The following RASA3 variants were observed in gnomAD, a reference collection of about 807,000 sequenced individuals.
RASA3 encodes the protein RAS p21 protein activator 3.
A neutral mutation model predicts 110.0 loss-of-function variants in RASA3; 73 were observed. The observed-to-expected ratio is 0.66, with a 90% confidence interval of 0.55 to 0.81. The LOEUF (loss-of-function observed/expected upper bound fraction) is 0.81, where lower values mean the gene tolerates loss of function less well. RASA3 is among the 30% of genes least tolerant of loss of function. The probability of loss-of-function intolerance (pLI) is 0.00; values close to 1 mark genes in which losing one functional copy is unlikely to be tolerated. For missense variants in RASA3, 976 were observed against 1,113.2 expected, an observed-to-expected ratio of 0.88 and a Z score of 1.75; for synonymous variants, 500 against 451.4, an observed-to-expected ratio of 1.11 and a Z score of -1.37.
chr13:114,075,648 C>T (rs1347086896), intron 1 of RASA3, among the ~76,000 whole-genome samples: 1 of 51,260 alleles, frequency 2.0e-5, no homozygotes, highest in Non-Finnish European at 3.1e-5. Context: ...TGTGGAGGCG[C>T]CGGCAGGACG....
chr13:114,060,414 A>G (rs1336722226), intron 2 of RASA3, among the ~76,000 whole-genome samples: 1 of 152,246 alleles, frequency 6.6e-6, no homozygotes. Context: ...GACCTGGCAC[A>G]GTGGACCAGG....
intron 1 of RASA3, among the ~76,000 whole-genome samples, chr13:114,076,097 C>T (rs943713170): frequency 1.8e-4 from 27 of 152,306 alleles, no homozygotes; most frequent in Admixed American, 1.6e-3. Flanking sequence ...TGCTTGCGGC[C>T]GTTTCCCGCC....
At chr13:114,042,579 T>G (rs1367769897) in intron 3 of RASA3, among the ~76,000 whole-genome samples, 2 of 152,266 alleles carry the variant, frequency 1.3e-5, no homozygotes, top group African/African-American at 2.4e-5. Flanking sequence ...CCACAGGGTC[T>G]GAGCACATTG....
rs2053634106 is a variant in RASA3, at chr13:114,011,352, G to A, written c.1513-104C>T. 2 of 1,019,242 alleles carry A rather than the reference G, an allele frequency of 2.0e-6. No individual in the cohort carries two copies. The highest frequency in any genetic ancestry group is 3.0e-6 in the Non-Finnish European group (2 of 662,058). 63.1% of individuals were successfully genotyped at this position (1,019,242 alleles called of 1,614,324 possible). A position where few individuals can be genotyped will look rare whatever the true frequency, so the allele number is the denominator to read the frequency against. ...GCAGGAGTCACCTCAGAGCTGCTGT[G>A]GCTTGTGCATGAGCTACGGAGAAAC... On this transcript the variant is annotated intron_variant, in intron 15 of 23. Coordinates refer to ENST00000334062, the MANE Select transcript of RASA3 (RefSeq NM_007368.4). This position sits in a 1 kb window ranked among gnomAD's most constrained non-coding sequence, Gnocchi z 4.8.
intron 18 of RASA3, among the ~76,000 whole-genome samples, chr13:114,001,344 G>A (rs1216556762): frequency 6.6e-6 from 1 of 151,582 alleles, no homozygotes; most frequent in African/African-American, 2.4e-5. Context: ...AGGGTGGGCA[G>A]TGGACGCCCA....
chr13:114,100,469 C>T (rs1490381482), intron 1 of RASA3, among the ~76,000 whole-genome samples: 1 of 152,230 alleles, frequency 6.6e-6, no homozygotes, highest in Non-Finnish European at 1.5e-5. Context: ...CTCTGTCAGG[C>T]GGAGGACGTG....
intron 1 of RASA3, among the ~76,000 whole-genome samples, chr13:114,108,975 G>C (rs766105529): frequency 5.9e-5 from 9 of 152,292 alleles, no homozygotes; most frequent in South Asian, 4.1e-4. Context: ...GGCGGACGGT[G>C]GCAGGGCAGG....
chr13:114,024,908 G>A (rs1441257454), intron 7 of RASA3, among the ~76,000 whole-genome samples: 1 of 152,230 alleles, frequency 6.6e-6, no homozygotes, highest in Non-Finnish European at 1.5e-5. Context: ...CCGCACCGTG[G>A]GTTCCTTAGA....
At chr13:113,981,626 C>A (rs1440426155) in intron 23 of RASA3, 49 bp downstream of exon 23, 6 of 1,583,870 alleles carry the variant, frequency 3.8e-6, no homozygotes, top group Non-Finnish European at 5.2e-6. Context: ...ACTGCAATCT[C>A]CCGCCCACTA....
chr13:114,030,484 G>GCAAGACTCACGCAGAGA (rs1566501856), intron 4 of RASA3, among the ~76,000 whole-genome samples: 2,354 of 130,116 alleles, frequency 0.018, 142 homozygotes, highest in East Asian at 0.043. Context: ...TCACACAGAG[G>GCAAGACTCACGCAGAGA]GCAAGACTCA....
chr13:114,100,148 G>C (rs1358129217), intron 1 of RASA3, among the ~76,000 whole-genome samples: 1 of 151,352 alleles, frequency 6.6e-6, no homozygotes, highest in Non-Finnish European at 1.5e-5. Flanking sequence ...CTGCGCAATA[G>C]GAAGACGCCG....
chr13:114,117,455 G>A lies in RASA3; in HGVS notation c.55+14980C>T, dbSNP rs549769209. Reference sequence around the variant, plus strand: ...TGTATGCACATCTGTGGGTGAGCACGTGCGTGAGGGGTGCACATCTGTGGG... The same window carrying A: ...TGTATGCACATCTGTGGGTGAGCACATGCGTGAGGGGTGCACATCTGTGGG... On this transcript the variant is annotated intron_variant, in intron 1 of 23. Transcript: ENST00000334062. Among the ~76,000 whole-genome samples, 76 of 141,740 alleles carry A rather than the reference G, an allele frequency of 5.4e-4. 1 individual carries two copies. The South Asian group carries it at 9.6e-3, about 18-fold the overall frequency. The allele number at this position is 141,740 out of a possible 152,430, so 93.0% of individuals were successfully genotyped here.
Position 114,027,532 on chromosome 13 carries a change from G to A in RASA3, c.531-71C>T, listed in dbSNP as rs374438364. Reference sequence around the variant, plus strand: ...TTCCAAGTCTCTCAGTGGTAAAACCGAGCTCTCAAATGCACAAGTCACTTA... The same window carrying A: ...TTCCAAGTCTCTCAGTGGTAAAACCAAGCTCTCAAATGCACAAGTCACTTA... On this transcript the variant is annotated intron_variant, in intron 6 of 23. Coordinates refer to ENST00000334062, the MANE Select transcript of RASA3 (RefSeq NM_007368.4). 3.3e-6 allele frequency: 4 copies of A among 1,226,888 alleles called. No homozygotes were observed. In the South Asian group the frequency reaches 3.8e-5, roughly 12 times the overall value. The allele number at this position is 1,226,888 out of a possible 1,614,324, so 76.0% of individuals were successfully genotyped here.
chr13:113,992,347 G>T, intron 22 of RASA3, 138 bp downstream of exon 22: 2 of 611,676 alleles, frequency 3.3e-6, no homozygotes, highest in South Asian at 2.2e-5. Flanking sequence ...ATCCATCCGT[G>T]CTACAAAGAC....
In RASA3 at chr13:114,041,003, C is replaced by T. The variant is rs2054393573; in HGVS notation, c.369G>A (p.Val123=). Residue 123 remains valine, a synonymous_variant, in exon 4 of 24, where the codon GTG becomes GTA. Transcript: ENST00000334062. ...GGGGCTGCGCCGAGAGTCTCACCTG[C>T]ACTTCCGAGTCAGCGTCCACGTGCT... ...QLQHVDADSE[V]QGKVHLELRL... is the part of the protein sequence containing the mutation. 1.9e-6 allele frequency: 3 copies of T among 1,613,482 alleles called. No individual in the cohort carries two copies. Among genetic ancestry groups the T allele is most frequent in the South Asian group, 1.1e-5 (1 of 91,088 alleles).
rs1052755676 is a variant in RASA3 at position 114,048,659 on chromosome 13, C to T, written c.277+3393G>A. On this transcript the variant is annotated intron_variant, in intron 3 of 23. Coordinates refer to ENST00000334062, the MANE Select transcript of RASA3 (RefSeq NM_007368.4). The surrounding 1 kb of genome is among the most constrained non-coding windows in gnomAD (Gnocchi z 4.3). ...AGGCCGCCTCCCTGCGCCTGGAATC[C>T]CGAAGGAGCCTGCGCCCCGTGTGTC... 5.9e-5 allele frequency among the ~76,000 whole-genome samples: 9 copies of T among 152,220 alleles called. No individual in the cohort carries two copies. Among genetic ancestry groups the T allele is most frequent in the African/African-American group, 1.9e-4 (8 of 41,452 alleles).
chr13:114,013,239 T>G lies in RASA3; in HGVS notation c.1415A>C (p.Asp472Ala). 1 of 1,611,748 alleles carries G rather than the reference T, an allele frequency of 6.2e-7. No homozygotes were observed. The highest frequency in any genetic ancestry group is 8.5e-7 in the Non-Finnish European group (1 of 1,179,092). Reference protein sequence around the residue: ...AAAKRFQDDPDVRYTAVSSFI... With the variant: ...AAAKRFQDDPAVRYTAVSSFI... ...GCTGCTCACTGCAGTGTACCTGACG[T>G]CCGGGTCATCTGCGGGAGAGAGAAG... Residue 472 changes from aspartate (D) to alanine (A), a missense_variant, in exon 15 of 24, where the codon GAC becomes GCC. By Grantham distance (126) the Asp-to-Ala change is moderately radical. Around this residue, in one of 4 missense-constraint regions of RASA3, gnomAD observed 732 missense variants for 779.7 expected, o/e 0.94. Transcript: ENST00000334062.
At chr13:114,111,811 A>C (rs1403285695) in intron 1 of RASA3, among the ~76,000 whole-genome samples, 1 of 152,230 alleles carries the variant, frequency 6.6e-6, no homozygotes, top group Admixed American at 6.5e-5. Context: ...TCAAACCTCC[A>C]TCTGTGGTCA....
intron 1 of RASA3, 67 bp from the exon 2 acceptor site, chr13:114,073,904 C>T (rs751620763): frequency 7.4e-7 from 1 of 1,345,654 alleles, no homozygotes; most frequent in Non-Finnish European, 1.1e-6. Context: ...ACATCGCAGA[C>T]ACGTTTCCAG....
Sources: gnomAD v4.1 joint callset for allele counts (sites outside exome capture counted in the v4.1 genomes callset) on GRCh38, gnomAD v4.1.1 for gene constraint, gnomAD v4.1.1 regional missense constraint, Gnocchi (gnomAD v3.1) non-coding constraint, MANE v1.5 for transcripts, NCBI Gene and HGNC (gene_info 2026-07-23, HGNC 2026-07-21) for gene names.